TOM1L2: variants seen among roughly 807,000 people sequenced by gnomAD.
TOM1L2 encodes the protein TOM1-like protein 2.
Under a neutral mutation model 67.9 loss-of-function variants are expected in TOM1L2, and 31 were observed. The observed-to-expected ratio is 0.46, with a 90% confidence interval of 0.34 to 0.62. The LOEUF is 0.62. Among genes scored for constraint, TOM1L2 ranks in the 20% least tolerant of loss-of-function variants. The probability of loss-of-function intolerance (pLI) is 0.01; values close to 1 mark genes in which losing one functional copy is unlikely to be tolerated. For missense variants in TOM1L2, 606 were observed against 663.5 expected (o/e 0.91, Z 0.95); for synonymous variants, 256 against 254.0 (o/e 1.01, Z -0.07).
chr17:17,902,051 C>T (rs548062300), intron 2 of TOM1L2, among the ~76,000 whole-genome samples: 2 of 152,256 alleles, frequency 1.3e-5, no homozygotes, highest in South Asian at 4.2e-4. Flanking sequence ...TGGTACACAC[C>T]TATAATCCCA....
At chr17:17,887,426 T>A (rs554987047) in intron 4 of TOM1L2, among the ~76,000 whole-genome samples, 2 of 152,314 alleles carry the variant, frequency 1.3e-5, no homozygotes, top group East Asian at 3.9e-4. Context: ...TGTGAAAACG[T>A]ACAGATGGGA....
intron 12 of TOM1L2, among the ~76,000 whole-genome samples, chr17:17,856,915 C>T (rs1438413987): frequency 6.6e-6 from 1 of 152,170 alleles, no homozygotes; most frequent in Non-Finnish European, 1.5e-5. Flanking sequence ...ACATTGAACT[C>T]CCCTGGGCTT....
At chr17:17,883,518 A>G (rs529295929) in intron 5 of TOM1L2, among the ~76,000 whole-genome samples, 1 of 152,220 alleles carries the variant, frequency 6.6e-6, no homozygotes, top group Non-Finnish European at 1.5e-5. Context: ...GTGGATCACA[A>G]GGTCAGGAGA....
intron 1 of TOM1L2, among the ~76,000 whole-genome samples, chr17:17,945,634 A>T (rs527916516): frequency 5.9e-5 from 9 of 152,298 alleles, no homozygotes; most frequent in Admixed American, 5.2e-4. Context: ...ATCTTAGTTA[A>T]TCATTGATAT....
At chr17:17,949,548 C>G (rs2041097660) in intron 1 of TOM1L2, among the ~76,000 whole-genome samples, 1 of 152,248 alleles carries the variant, frequency 6.6e-6, no homozygotes, top group Admixed American at 6.5e-5. Context: ...CATCAGGGCA[C>G]CTGGGGTGAA....
chr17:17,869,684 C>G, intron 7 of TOM1L2: 5 of 1,373,382 alleles, frequency 3.6e-6, no homozygotes, highest in Non-Finnish European at 4.7e-6. Flanking sequence ...TTTCAGCAGA[C>G]AAATGTCCAG....
chr17:17,926,987 G>A (rs1055501197), intron 1 of TOM1L2, among the ~76,000 whole-genome samples: 3 of 152,248 alleles, frequency 2.0e-5, no homozygotes, highest in Non-Finnish European at 4.4e-5. Context: ...CACAGGTTGT[G>A]TAACTTATTA....
At chr17:17,912,507 G>C (rs1413258541) in intron 1 of TOM1L2, among the ~76,000 whole-genome samples, 1 of 151,820 alleles carries the variant, frequency 6.6e-6, no homozygotes, top group Admixed American at 6.6e-5. Flanking sequence ...CCTCCCAGAC[G>C]GGGTCACGGC....
At chr17:17,913,217 G>A (rs2039478888) in intron 1 of TOM1L2, among the ~76,000 whole-genome samples, 1 of 150,940 alleles carries the variant, frequency 6.6e-6, no homozygotes, top group South Asian at 2.1e-4. Flanking sequence ...ACGGGAGAGG[G>A]AGAGGGAGAC....
intron 7 of TOM1L2, among the ~76,000 whole-genome samples, chr17:17,871,323 A>T (rs1286532391): frequency 6.6e-6 from 1 of 152,002 alleles, no homozygotes; most frequent in African/African-American, 2.4e-5. Context: ...GTGAGCCGAG[A>T]TCACGCCACT....
rs118157950 is a variant in TOM1L2, at chr17:17,909,991, T to C, written c.53-2460A>G. Among the ~76,000 whole-genome samples, 406 of 152,340 alleles carry C rather than the reference T, an allele frequency of 2.7e-3. 3 individuals carry two copies. Among genetic ancestry groups the C allele is most frequent in the Non-Finnish European group, 4.7e-3 (323 of 68,030 alleles). ...CTGCAGTGAGATATGATTGAGCCAC[T>C]GCATTCCAGCCTAGGCAACAGAGTA... On this transcript the variant is annotated intron_variant, in intron 1 of 14. Transcript: ENST00000379504.
intron 1 of TOM1L2, among the ~76,000 whole-genome samples, chr17:17,922,649 G>A (rs1321531517): frequency 2.0e-5 from 3 of 152,080 alleles, no homozygotes; most frequent in Non-Finnish European, 2.9e-5. Context: ...TCCATAAAAC[G>A]GGCAAAACAA....
chr17:17,962,481 T>G (rs1469358973), intron 1 of TOM1L2, among the ~76,000 whole-genome samples: 7 of 151,934 alleles, frequency 4.6e-5, no homozygotes, highest in Non-Finnish European at 8.8e-5. Context: ...CCCGGCTAAT[T>G]TTTTTGTATT....
At chr17:17,869,600 G>A (rs2037048874) in intron 7 of TOM1L2, 127 bp from the exon 8 acceptor site, 3 of 1,414,148 alleles carry the variant, frequency 2.1e-6, no homozygotes, top group Non-Finnish European at 2.8e-6. Context: ...CATAAAACCA[G>A]ACATGTGCCG....
chr17:17,852,162 G>A (rs1165533130), intron 12 of TOM1L2, among the ~76,000 whole-genome samples: 3 of 152,156 alleles, frequency 2.0e-5, no homozygotes, highest in Non-Finnish European at 1.5e-5. Flanking sequence ...TCTAGGGTAA[G>A]ACTAAAGTAA....
At chr17:17,909,887 G>A (rs1187088925) in intron 1 of TOM1L2, among the ~76,000 whole-genome samples, 1 of 152,038 alleles carries the variant, frequency 6.6e-6, no homozygotes, top group African/African-American at 2.4e-5. Flanking sequence ...AAATTAGCTG[G>A]GCATAGTGGC....
intron 1 of TOM1L2, among the ~76,000 whole-genome samples, chr17:17,953,786 G>T (rs148458682): frequency 6.6e-6 from 1 of 152,322 alleles, no homozygotes; most frequent in South Asian, 2.1e-4. Context: ...AGGTAAAAAT[G>T]CCATCTCACA....
intron 10 of TOM1L2, among the ~76,000 whole-genome samples, chr17:17,864,498 C>A (rs1222354776): frequency 1.3e-5 from 2 of 151,792 alleles, no homozygotes; most frequent in East Asian, 3.9e-4. Context: ...GCGTTAGCCA[C>A]CGCACCCGGC....
Position 17,950,583 on chromosome 17 carries a change from T to G in TOM1L2, c.52+21679A>C, listed in dbSNP as rs557799849. Reference sequence around the variant, plus strand: ...TCCAATACTTTGTATGCTCCCATTCTAATGAGAGTGAGTCTTGGCGGGGAG... The same window carrying G: ...TCCAATACTTTGTATGCTCCCATTCGAATGAGAGTGAGTCTTGGCGGGGAG... On this transcript the variant is annotated intron_variant, in intron 1 of 14. Coordinates refer to ENST00000379504, the MANE Select transcript of TOM1L2 (RefSeq NM_001082968.2). Among the ~76,000 whole-genome samples the G allele has an allele frequency of 2.0e-5, 3 of 152,274 alleles. No homozygotes were observed. The East Asian group carries it at 5.8e-4, about 29-fold the overall frequency.
Sources: gnomAD v4.1 joint callset for allele counts (sites outside exome capture counted in the v4.1 genomes callset) on GRCh38, gnomAD v4.1.1 for gene constraint, MANE v1.5 for transcripts, NCBI Gene and HGNC (gene_info 2026-07-23, HGNC 2026-07-21) for gene names.